The following SLC25A13 variants were observed in gnomAD, a reference collection of about 807,000 sequenced individuals.
The protein encoded by SLC25A13 is electrogenic aspartate/glutamate antiporter SLC25A13, mitochondrial.
Under a neutral mutation model 85.5 loss-of-function variants are expected in SLC25A13, and 70 were observed. The observed-to-expected ratio is 0.82, with a 90% CI of 0.68 to 1.00. SLC25A13 has a LOEUF of 1.00. SLC25A13 is among the 50% of genes least tolerant of loss of function. The probability of loss-of-function intolerance (pLI) is 0.00; values close to 1 mark genes in which losing one functional copy is unlikely to be tolerated. For synonymous variants in SLC25A13, 259 were observed against 288.7 expected (o/e 0.90, Z 1.04); for missense variants, 765 against 819.8 (o/e 0.93, Z 0.82).
intron 9 of SLC25A13, among the ~76,000 whole-genome samples, chr7:96,186,446 G>C (rs1794648013): frequency 6.6e-6 from 1 of 151,978 alleles, no homozygotes; most frequent in South Asian, 2.1e-4. Flanking sequence ...AAAAAAGTTA[G>C]GATAGAAGAT....
intron 4 of SLC25A13, among the ~76,000 whole-genome samples, chr7:96,224,720 G>GTT (rs1267337325): frequency 6.6e-6 from 1 of 152,120 alleles, no homozygotes; most frequent in Non-Finnish European, 1.5e-5. Context: ...AAAAAAAATC[G>GTT]TAACTAATGC....
At chr7:96,184,055 TAAAAC>T (rs1354033332) in intron 11 of SLC25A13, among the ~76,000 whole-genome samples, 1 of 152,182 alleles carries the variant, frequency 6.6e-6, no homozygotes, top group East Asian at 1.9e-4. Flanking sequence ...TTTTAAGAAA[TAAAAC>T]ATACAACAGA....
chr7:96,264,123 T>G (rs1251010178), intron 3 of SLC25A13, among the ~76,000 whole-genome samples: 1 of 152,120 alleles, frequency 6.6e-6, no homozygotes, highest in Non-Finnish European at 1.5e-5. Context: ...TCACCTACTC[T>G]GGATTATTCA....
intron 1 of SLC25A13, among the ~76,000 whole-genome samples, chr7:96,301,935 T>G (rs10234418): frequency 0.89 from 135,417 of 152,242 alleles, 60,291 homozygotes; most frequent in East Asian, 0.95. Flanking sequence ...GCCCAGAAAG[T>G]GGCAATGTTG....
In SLC25A13 at chr7:96,319,074, A is replaced by C. The variant is rs553583903; in HGVS notation, c.15+2868T>G. Among the ~76,000 whole-genome samples, 5 of 152,318 alleles carry C rather than the reference A, an allele frequency of 3.3e-5. No homozygotes were observed. In the East Asian group the frequency reaches 9.6e-4, roughly 29 times the overall value. ...AGGTGATGCCCAAAGGCAGTTCAAT[A>C]AGGGACATTCTTGGAATAAGTTAGA... is the stretch of plus-strand genomic sequence containing the variant. On this transcript the variant is annotated intron_variant, in intron 1 of 17. Transcript: ENST00000265631.
intron 2 of SLC25A13, among the ~76,000 whole-genome samples, chr7:96,288,695 A>G (rs968607858): frequency 2.0e-5 from 3 of 152,156 alleles, no homozygotes; most frequent in Non-Finnish European, 2.9e-5. Flanking sequence ...CTGAGATCCA[A>G]CTGCAAGGTG....
intron 14 of SLC25A13, among the ~76,000 whole-genome samples, chr7:96,139,945 C>CTTTTTTTTTTT (rs59749381): frequency 2.3e-5 from 2 of 86,368 alleles, no homozygotes; most frequent in African/African-American, 9.0e-5. Context: ...GATTTCCATT[C>CTTTTTTTTTTT]TTTTTTTTTT....
At chr7:96,148,682 A>G (rs1467041994) in intron 13 of SLC25A13, among the ~76,000 whole-genome samples, 1 of 152,182 alleles carries the variant, frequency 6.6e-6, no homozygotes, top group East Asian at 1.9e-4. Flanking sequence ...TGATTTTTTG[A>G]AGCTCAAAAG....
intron 13 of SLC25A13, among the ~76,000 whole-genome samples, chr7:96,155,182 T>C (rs1793212228): frequency 2.0e-5 from 3 of 152,156 alleles, no homozygotes; most frequent in African/African-American, 7.2e-5. Flanking sequence ...AGGTCCTGGA[T>C]GCTGGAGGAA....
At chr7:96,277,765 T>C (rs77190718) in intron 2 of SLC25A13, among the ~76,000 whole-genome samples, 1,629 of 150,496 alleles carry the variant, frequency 0.011, 36 homozygotes, top group African/African-American at 0.038. Context: ...AGACAAACTA[T>C]GTCTTGTTTT....
At chr7:96,240,296 CAT>C (rs1212150252) in intron 3 of SLC25A13, among the ~76,000 whole-genome samples, 2 of 152,186 alleles carry the variant, frequency 1.3e-5, no homozygotes, top group African/African-American at 4.8e-5. Context: ...ATTGCGAACA[CAT>C]GACACCAGAA....
At chr7:96,188,464 C>A (rs535853630) in intron 9 of SLC25A13, among the ~76,000 whole-genome samples, 2 of 152,322 alleles carry the variant, frequency 1.3e-5, no homozygotes, top group Non-Finnish European at 2.9e-5. Flanking sequence ...CGTCTCTGTA[C>A]AAACCCAGAG....
chr7:96,138,213 T>C (rs1257899141), intron 14 of SLC25A13, among the ~76,000 whole-genome samples: 1 of 152,166 alleles, frequency 6.6e-6, no homozygotes, highest in Non-Finnish European at 1.5e-5. Context: ...TGGCTTCCAC[T>C]GTTGCCATTT....
intron 2 of SLC25A13, among the ~76,000 whole-genome samples, chr7:96,283,131 A>G (rs1562902090): frequency 6.6e-6 from 1 of 152,250 alleles, no homozygotes; most frequent in South Asian, 2.1e-4. Context: ...TTATCCTAAG[A>G]AAATAATGCT....
intron 5 of SLC25A13, among the ~76,000 whole-genome samples, chr7:96,207,861 G>A (rs772377767): frequency 2.0e-4 from 31 of 152,116 alleles, no homozygotes; most frequent in Non-Finnish European, 4.1e-4. Context: ...CAGAAATGTA[G>A]ACAACTGCTA....
chr7:96,228,748 G>A (rs1427102205), intron 4 of SLC25A13, among the ~76,000 whole-genome samples: 6 of 152,152 alleles, frequency 3.9e-5, no homozygotes, highest in African/African-American at 4.8e-5. Flanking sequence ...CACAGTGCTC[G>A]TGGGCCAGCG....
intron 3 of SLC25A13, among the ~76,000 whole-genome samples, chr7:96,275,848 G>A (rs905768099): frequency 1.3e-5 from 2 of 152,080 alleles, no homozygotes; most frequent in East Asian, 1.9e-4. Context: ...TAACTAACCC[G>A]CACATTGTGC....
intron 2 of SLC25A13, among the ~76,000 whole-genome samples, chr7:96,280,537 G>A (rs780744735): frequency 2.6e-5 from 4 of 152,028 alleles, no homozygotes; most frequent in Non-Finnish European, 4.4e-5. Context: ...GCAAGATGGC[G>A]GAACTCCATC....
chr7:96,272,935 T>C (rs1204641776), intron 3 of SLC25A13, among the ~76,000 whole-genome samples: 6 of 152,196 alleles, frequency 3.9e-5, no homozygotes, highest in Admixed American at 1.3e-4. Context: ...GAAAGGTTGC[T>C]GGAGAAAATA....
Sources: allele counts gnomAD v4.1 joint callset (sites outside exome capture counted in the v4.1 genomes callset), GRCh38; gene constraint gnomAD v4.1.1; transcripts MANE v1.5; gene names NCBI Gene and HGNC (gene_info 2026-07-23, HGNC 2026-07-21).